The following WWOX variants were observed in gnomAD, a reference collection of about 807,000 sequenced individuals.
WWOX encodes WW domain containing oxidoreductase.
In WWOX, 69 loss-of-function variants were observed where a neutral mutation model predicts 46.2. The ratio of observed to expected loss-of-function variants is 1.49; its 90% CI spans 1.23 to 1.82. The LOEUF (loss-of-function observed/expected upper bound fraction) is 1.82, where lower values mean the gene tolerates loss of function less well. Ranked by LOEUF, WWOX falls within the 40% of genes most tolerant of loss-of-function variation. The probability of loss-of-function intolerance (pLI) is 0.00; values close to 1 mark genes in which losing one functional copy is unlikely to be tolerated. For missense variants in WWOX, 919 were observed against 542.6 expected, an observed-to-expected ratio of 1.69 and a Z score of -6.89; for synonymous variants, 359 against 202.6, an observed-to-expected ratio of 1.77 and a Z score of -6.56.
chr16:78,218,074 G>C (rs1028930561), intron 5 of WWOX, among the ~76,000 whole-genome samples: 4 of 151,214 alleles, frequency 2.6e-5, no homozygotes, highest in African/African-American at 9.7e-5. Flanking sequence ...TTCTTTTTAA[G>C]ACAGGCTCTC....
At chr16:78,654,381 A>T (rs2047034762) in intron 8 of WWOX, among the ~76,000 whole-genome samples, 1 of 152,234 alleles carries the variant, frequency 6.6e-6, no homozygotes, top group Non-Finnish European at 1.5e-5. Context: ...AGCGGTATTT[A>T]TGGTATTTAT....
chr16:78,406,311 T>TATAA (rs2082536093), intron 6 of WWOX, among the ~76,000 whole-genome samples: 1 of 36,928 alleles, frequency 2.7e-5, no homozygotes, highest in Non-Finnish European at 4.3e-5. Flanking sequence ...TAAATATATA[T>TATAA]ATATATATAT....
chr16:78,499,460 A>C (rs17639042), intron 8 of WWOX, among the ~76,000 whole-genome samples: 49,370 of 152,134 alleles, frequency 0.32, 10,027 homozygotes, highest in Middle Eastern at 0.47. Flanking sequence ...TAACCTTTCT[A>C]AGTGGTCAGG....
intron 8 of WWOX, among the ~76,000 whole-genome samples, chr16:78,685,387 G>A (rs1353136864): frequency 6.6e-6 from 1 of 152,088 alleles, no homozygotes. Context: ...ACACAATAAG[G>A]CCATAAAGAG....
At chr16:78,319,742 C>G (rs1273595194) in intron 5 of WWOX, among the ~76,000 whole-genome samples, 2 of 152,182 alleles carry the variant, frequency 1.3e-5, no homozygotes, top group Non-Finnish European at 2.9e-5. Flanking sequence ...AAATACAGGA[C>G]TGTTCCATCT....
intron 8 of WWOX, among the ~76,000 whole-genome samples, chr16:78,516,426 A>C (rs1180936528): frequency 6.6e-6 from 1 of 152,188 alleles, no homozygotes; most frequent in African/African-American, 2.4e-5. Context: ...TCTGTTATTT[A>C]TGGTAGCTAG....
At chr16:78,764,529 C>T (rs1299437363) in intron 8 of WWOX, among the ~76,000 whole-genome samples, 2 of 144,260 alleles carry the variant, frequency 1.4e-5, no homozygotes, top group African/African-American at 5.1e-5. Context: ...TCTCTGCTTT[C>T]TGCCTCTTGT....
intron 8 of WWOX, among the ~76,000 whole-genome samples, chr16:78,658,726 C>T (rs2047137985): frequency 6.6e-6 from 1 of 152,080 alleles, no homozygotes; most frequent in African/African-American, 2.4e-5. Flanking sequence ...GGATTTAGGG[C>T]TCACTGGAAT....
chr16:78,844,494 A>G (rs1345211448), intron 8 of WWOX, among the ~76,000 whole-genome samples: 2 of 152,106 alleles, frequency 1.3e-5, no homozygotes, highest in East Asian at 3.9e-4. Flanking sequence ...TGAATCTCAT[A>G]ATGGAAAACA....
intron 5 of WWOX, among the ~76,000 whole-genome samples, chr16:78,355,314 T>C (rs1198976604): frequency 5.3e-5 from 8 of 151,894 alleles, no homozygotes; most frequent in Non-Finnish European, 1.5e-5. Flanking sequence ...TAAAAATGCG[T>C]GTATGGTGCT....
chr16:78,246,289 C>T (rs1160167455), intron 5 of WWOX, among the ~76,000 whole-genome samples: 1 of 152,126 alleles, frequency 6.6e-6, no homozygotes, highest in East Asian at 1.9e-4. Flanking sequence ...TGGAAAAAGC[C>T]TCATATAACC....
At chr16:79,061,879 T>G (rs774674783) in intron 8 of WWOX, among the ~76,000 whole-genome samples, 21 of 152,226 alleles carry the variant, frequency 1.4e-4, no homozygotes, top group Non-Finnish European at 2.5e-4. Context: ...GTAGACACTA[T>G]GATTCCCATT....
intron 8 of WWOX, among the ~76,000 whole-genome samples, chr16:78,853,319 C>G (rs1597723200): frequency 6.6e-6 from 1 of 152,246 alleles, no homozygotes; most frequent in South Asian, 2.1e-4. Context: ...CTCCTGGGTT[C>G]AAGCAATTCT....
At chr16:78,217,635 A>G (rs546250728) in intron 5 of WWOX, among the ~76,000 whole-genome samples, 15 of 152,258 alleles carry the variant, frequency 9.9e-5, no homozygotes, top group Middle Eastern at 6.8e-3. Flanking sequence ...AGAGAAATCT[A>G]TTGAAAGTTA....
chr16:78,903,063 C>T (rs1005519841), intron 8 of WWOX, among the ~76,000 whole-genome samples: 2 of 152,170 alleles, frequency 1.3e-5, no homozygotes, highest in Non-Finnish European at 2.9e-5. Flanking sequence ...AATGAAGCAA[C>T]AAAAGCTGAG....
At chr16:78,937,302 C>T (rs1410278936) in intron 8 of WWOX, among the ~76,000 whole-genome samples, 1 of 152,050 alleles carries the variant, frequency 6.6e-6, no homozygotes, top group Non-Finnish European at 1.5e-5. Context: ...TCCAATACAC[C>T]TGCATCTTTA....
intron 8 of WWOX, among the ~76,000 whole-genome samples, chr16:79,031,491 A>G (rs2047753551): frequency 6.6e-6 from 1 of 152,064 alleles, no homozygotes; most frequent in Admixed American, 6.6e-5. Flanking sequence ...ATTCTTATGA[A>G]TTTGAGATAA....
chr16:79,183,687 G>C (rs2050957090), intron 8 of WWOX, among the ~76,000 whole-genome samples: 1 of 152,136 alleles, frequency 6.6e-6, no homozygotes, highest in African/African-American at 2.4e-5. Context: ...GCATGTTTCA[G>C]CCCATTTAAT....
chr16:78,662,541 G>C (rs992539241), intron 8 of WWOX, among the ~76,000 whole-genome samples: 2 of 152,122 alleles, frequency 1.3e-5, no homozygotes, highest in African/African-American at 4.8e-5. Flanking sequence ...CCAGTTGCAA[G>C]GATGCAGGAT....
Sources: gnomAD v4.1 joint callset for allele counts (sites outside exome capture counted in the v4.1 genomes callset) on GRCh38, gnomAD v4.1.1 for gene constraint, MANE v1.5 for transcripts, NCBI Gene and HGNC (gene_info 2026-07-23, HGNC 2026-07-21) for gene names.